Variants in PKP2 observed in about 807,000 individuals in gnomAD.
The protein encoded by PKP2 is plakophilin-2.
In PKP2, 73 loss-of-function variants were observed where a neutral mutation model predicts 83.4. That is an observed-to-expected ratio of 0.88 (90% CI 0.72 to 1.06). PKP2 has a LOEUF of 1.06. PKP2 is among the 50% of genes least tolerant of loss of function. The probability of loss-of-function intolerance (pLI) is 0.00; values close to 1 mark genes in which losing one functional copy is unlikely to be tolerated. For missense variants in PKP2, 966 were observed against 1,065.4 expected (o/e 0.91, Z 1.30); for synonymous variants, 409 against 430.4 (o/e 0.95, Z 0.62).
Position 32,896,708 on chromosome 12 carries a change from A to T in PKP2, c.24T>A (p.Ala8=), listed in dbSNP as rs1042257735. Residue 8 remains alanine (A), a synonymous_variant, in exon 1 of 13, where the codon GCT becomes GCA. Transcript: ENST00000340811. ...GGACGGTCCGGATGTAGCCGTACTC[A>T]GCTGGGGCGCCGGGGGCTGCCATGG... MAAPGAP[A]EYGYIRTVLG... 2 of 1,484,812 alleles carry T rather than the reference A, an allele frequency of 1.3e-6. No individual in the cohort carries two copies. The highest frequency in any genetic ancestry group is 1.8e-6 in the Non-Finnish European group (2 of 1,121,574). 92.0% of individuals were successfully genotyped at this position (1,484,812 alleles called of 1,614,324 possible). A position where few individuals can be genotyped will look rare whatever the true frequency, so the allele number is the denominator to read the frequency against.
At position 32,850,947 on chromosome 12, in the gene PKP2, C is replaced by T; in HGVS notation, c.1197G>A (p.Lys399=). 6.2e-7 allele frequency: 1 copy of T among 1,614,104 alleles called. No homozygotes were observed. Among genetic ancestry groups the T allele is most frequent in the Non-Finnish European group, 8.5e-7 (1 of 1,179,996 alleles). The change falls in exon 5 of 13, where the codon AAG becomes AAA. Residue 399 remains lysine (K), a synonymous_variant. Coordinates refer to ENST00000340811, the MANE Select transcript of PKP2 (RefSeq NM_001005242.3). ...TCTGAACTTTTAGGAGCTGCAGAAG[C>T]TTGAGGATGCCACGAAGCTGGTTAA... ...KRVNQLRGIL[K]LLQLLKVQNE...
At chr12:32,873,310 C>A (rs1336036236) in intron 3 of PKP2, among the ~76,000 whole-genome samples, 2 of 152,006 alleles carry the variant, frequency 1.3e-5, no homozygotes, top group Non-Finnish European at 1.5e-5. Context: ...GTTGCCCAGG[C>A]TGGTTTCAAA....
chr12:32,848,360 C>T (rs778418967), intron 5 of PKP2, among the ~76,000 whole-genome samples: 9 of 152,060 alleles, frequency 5.9e-5, no homozygotes, highest in South Asian at 2.1e-4. Context: ...TGGAACCAGA[C>T]GTTGCAGTGA....
intron 10 of PKP2, among the ~76,000 whole-genome samples, chr12:32,797,115 G>A (rs910554279): frequency 1.3e-5 from 2 of 152,114 alleles, no homozygotes; most frequent in Admixed American, 1.3e-4. Flanking sequence ...AATAGTGTAT[G>A]TGAAAAATCA....
At chr12:32,880,074 G>T (rs1956971741) in intron 1 of PKP2, among the ~76,000 whole-genome samples, 1 of 150,904 alleles carries the variant, frequency 6.6e-6, no homozygotes, top group African/African-American at 2.4e-5. Context: ...AAATATAATG[G>T]TGACTCAGCA....
chr12:32,796,106 T>G lies in PKP2; in HGVS notation c.2357+3A>C, dbSNP rs1219517149. 6.2e-7 allele frequency: 1 copy of G among 1,613,402 alleles called. No individual in the cohort carries two copies. Among genetic ancestry groups the G allele is most frequent in the South Asian group, 1.1e-5 (1 of 91,068 alleles). ...AGCTGACGGGCAGAACTGAAGGACT[T>G]ACGCATCGCCTGCACTAATGGCCAT... On this transcript the variant is annotated splice_donor_region_variant and intron_variant, in intron 11 of 12. Coordinates refer to ENST00000340811, the MANE Select transcript of PKP2 (RefSeq NM_001005242.3).
intron 9 of PKP2, among the ~76,000 whole-genome samples, chr12:32,809,790 C>T (rs367899428): frequency 2.6e-4 from 40 of 152,166 alleles, no homozygotes; most frequent in East Asian, 1.5e-3. Context: ...GTCGCACAAT[C>T]GGTCACCGCT....
intron 4 of PKP2, among the ~76,000 whole-genome samples, chr12:32,853,512 T>TA (rs1339195321): frequency 6.6e-6 from 1 of 150,712 alleles, no homozygotes; most frequent in Admixed American, 6.6e-5. Flanking sequence ...TTCATACTTT[T>TA]TTTTTTTTTT....
At chr12:32,845,733 A>C (rs1329510323) in intron 5 of PKP2, among the ~76,000 whole-genome samples, 3 of 152,190 alleles carry the variant, frequency 2.0e-5, no homozygotes, top group Non-Finnish European at 4.4e-5. Context: ...CCGCTCGGAC[A>C]AGGACAAGAA....
intron 1 of PKP2, among the ~76,000 whole-genome samples, chr12:32,886,566 C>T (rs1326710051): frequency 2.0e-5 from 3 of 152,170 alleles, no homozygotes; most frequent in African/African-American, 7.2e-5. Flanking sequence ...CTTGGACTTA[C>T]ATATTTTTTA....
intron 9 of PKP2, among the ~76,000 whole-genome samples, chr12:32,808,699 G>C (rs1243866420): frequency 1.3e-5 from 2 of 152,152 alleles, no homozygotes; most frequent in Non-Finnish European, 1.5e-5. Context: ...CTTCTGAAAA[G>C]GTTTCTGTGG....
Position 32,821,487 on chromosome 12 carries a change from T to G in PKP2, c.1882A>C (p.Lys628Gln). Residue 628 changes from lysine to glutamine, a missense_variant, in exon 9 of 13, where the codon AAG becomes CAG. Transcript: ENST00000340811. ...GAATGCCACAGCCACTCCACGCCCT[T>G]GGGGTTGCTCTTTTCCTCCGGCATC... The part of the protein sequence containing the change: ...VPMPEEKSNP[K>Q]GVEWLWHSIV... The G allele has an allele frequency of 6.2e-7, 1 of 1,614,062 alleles. No individual in the cohort carries two copies.
rs1373469182 is a variant in PKP2 at position 32,808,337 on chromosome 12, C to T, written c.2014-5781G>A. Among the ~76,000 whole-genome samples the T allele has an allele frequency of 3.3e-5, 5 of 152,178 alleles. 1 individual carries two copies. The highest frequency in any genetic ancestry group is 7.3e-5 in the Non-Finnish European group (5 of 68,036). On this transcript the variant is annotated intron_variant, in intron 9 of 12. Transcript: ENST00000340811. ...CTTCTGCTGTTGATACTTGTGATTG[C>T]ACTGTGAAGTTCTCATGTTATATTT... is the stretch of plus-strand genomic sequence containing the variant.
chr12:32,809,467 T>C (rs1363649246), intron 9 of PKP2, among the ~76,000 whole-genome samples: 1 of 152,202 alleles, frequency 6.6e-6, no homozygotes, highest in Non-Finnish European at 1.5e-5. Flanking sequence ...CTCACTGTGT[T>C]GCCATTGGCT....
chr12:32,842,152 G>A (rs1956599155), intron 5 of PKP2, among the ~76,000 whole-genome samples: 1 of 152,154 alleles, frequency 6.6e-6, no homozygotes, highest in African/African-American at 2.4e-5. Flanking sequence ...TTTGGAGCTC[G>A]AATCCTTCTG....
chr12:32,819,482 C>A (rs149357192), intron 9 of PKP2, among the ~76,000 whole-genome samples: 2,800 of 152,158 alleles, frequency 0.018, 42 homozygotes, highest in South Asian at 0.044. Flanking sequence ...GCCTATTAGG[C>A]CCCTTAGGTA....
chr12:32,826,384 T>C (rs7959230), intron 6 of PKP2, among the ~76,000 whole-genome samples: 8,084 of 150,710 alleles, frequency 0.054, 266 homozygotes, highest in Non-Finnish European at 0.081. Context: ...ACAGAGATCA[T>C]ATCTATAGGT....
chr12:32,843,270 C>T lies in PKP2; in HGVS notation c.1379-2065G>A, dbSNP rs771856087. On this transcript the variant is annotated intron_variant, in intron 5 of 12. Transcript: ENST00000340811. ...TGCTGGGATTACAGGCGTGAGCCAC[C>T]GCGCCCGGCCAGCCATTCCTACTTC... is the stretch of plus-strand genomic sequence containing the variant. 2.0e-5 allele frequency: 27 copies of T among 1,331,386 alleles called. No homozygotes were observed. Among genetic ancestry groups the T allele is most frequent in the Middle Eastern group, 4.2e-4 (2 of 4,712 alleles). 82.5% of individuals were successfully genotyped at this position (1,331,386 alleles called of 1,614,324 possible).
intron 4 of PKP2, among the ~76,000 whole-genome samples, chr12:32,864,101 G>A (rs961726568): frequency 1.3e-5 from 2 of 151,940 alleles, no homozygotes; most frequent in African/African-American, 4.8e-5. Context: ...ACATCCATTC[G>A]TGATTCAAAA....
Sources: gnomAD v4.1 joint callset for allele counts (sites outside exome capture counted in the v4.1 genomes callset) on GRCh38, gnomAD v4.1.1 for gene constraint, MANE v1.5 for transcripts, NCBI Gene and HGNC (gene_info 2026-07-23, HGNC 2026-07-21) for gene names.